Variants in PPM1L observed in about 807,000 individuals in gnomAD.
The protein encoded by PPM1L is protein phosphatase 1L.
In PPM1L, 13 loss-of-function variants were observed where a neutral mutation model predicts 31.4. The ratio of observed to expected loss-of-function variants is 0.41; its 90% confidence interval spans 0.27 to 0.66. PPM1L has a LOEUF of 0.66. Among genes scored for constraint, PPM1L ranks in the 30% least tolerant of loss-of-function variants. The pLI, the probability that PPM1L is intolerant of heterozygous loss-of-function variation, is 0.29. For missense variants in PPM1L, 326 were observed against 453.7 expected (o/e 0.72, Z 2.56); for synonymous variants, 184 against 175.4 (o/e 1.05, Z -0.39).
chr3:160,887,709 T>C lies in PPM1L; in HGVS notation c.400-74027T>C, dbSNP rs1368470735. On this transcript the variant is annotated intron_variant, in intron 1 of 3. Transcript: ENST00000498165. ...CATTCTCCTGCCTCAGCCTCCCTAG[T>C]AGCTGGGACTATAGGCACCCACCAC... Among the ~76,000 whole-genome samples, 3 of 152,086 alleles carry C rather than the reference T, an allele frequency of 2.0e-5. No homozygotes were observed. The East Asian group carries it at 5.8e-4, about 29-fold the overall frequency.
chr3:160,935,494 C>T (rs1714940327), intron 1 of PPM1L, among the ~76,000 whole-genome samples: 1 of 152,174 alleles, frequency 6.6e-6, no homozygotes, highest in South Asian at 2.1e-4. Context: ...ATAGAGTTTG[C>T]TGGGCCAGAA....
chr3:160,929,241 C>T (rs1175703815), intron 1 of PPM1L, among the ~76,000 whole-genome samples: 1 of 152,020 alleles, frequency 6.6e-6, no homozygotes, highest in East Asian at 1.9e-4. Flanking sequence ...CTTGGGTGGT[C>T]CTATGATTTT....
At chr3:160,902,200 A>G (rs116784399) in intron 1 of PPM1L, among the ~76,000 whole-genome samples, 123 of 152,246 alleles carry the variant, frequency 8.1e-4, no homozygotes, top group African/African-American at 2.7e-3. Context: ...TCTGATTACA[A>G]TGCCCACTTC....
intron 2 of PPM1L, among the ~76,000 whole-genome samples, chr3:161,055,800 C>T (rs941559939): frequency 6.6e-6 from 1 of 151,700 alleles, no homozygotes; most frequent in East Asian, 1.9e-4. Flanking sequence ...TCCTAAAGAA[C>T]AAAAATGGCA....
chr3:161,039,532 T>C (rs1159470650), intron 2 of PPM1L, among the ~76,000 whole-genome samples: 1 of 152,120 alleles, frequency 6.6e-6, no homozygotes, highest in African/African-American at 2.4e-5. Flanking sequence ...TTTTTATGTT[T>C]TATTTTTTGA....
chr3:160,923,423 G>T (rs185687132), intron 1 of PPM1L, among the ~76,000 whole-genome samples: 11 of 152,262 alleles, frequency 7.2e-5, no homozygotes, highest in African/African-American at 2.6e-4. Flanking sequence ...TCTTAAGAAA[G>T]GGCTTTAGAA....
intron 2 of PPM1L, among the ~76,000 whole-genome samples, chr3:161,051,142 C>T (rs539119113): frequency 1.5e-3 from 223 of 152,286 alleles, no homozygotes; most frequent in Middle Eastern, 6.8e-3. Flanking sequence ...GAGACAAGTT[C>T]CCTTCTCTGC....
At chr3:160,875,903 A>G (rs1402006025) in intron 1 of PPM1L, among the ~76,000 whole-genome samples, 1 of 152,176 alleles carries the variant, frequency 6.6e-6, no homozygotes, top group Non-Finnish European at 1.5e-5. Context: ...ATTATCCTTA[A>G]GACTCTTGAC....
rs923140652 is a variant in PPM1L at position 161,071,099 on chromosome 3, G to A, written c.*1942G>A. 13 of 152,170 alleles carry A rather than the reference G, an allele frequency of 8.5e-5. No individual in the cohort carries two copies. Among genetic ancestry groups the A allele is most frequent in the African/African-American group, 3.1e-4 (13 of 41,432 alleles). 9.4% of individuals were successfully genotyped at this position (152,170 alleles called of 1,614,324 possible). ...GATGTGTGTATTAATATTTGGGGTG[G>A]GGACAGGGAAGGGAATGTGGAAAAC... On this transcript the variant is annotated 3_prime_UTR_variant, in exon 4 of 4. Coordinates refer to ENST00000498165, the MANE Select transcript of PPM1L (RefSeq NM_139245.4).
In PPM1L at chr3:160,838,245, A is replaced by G. The variant is rs1286633345; in HGVS notation, c.399+81538A>G. On this transcript the variant is annotated intron_variant, in intron 1 of 3. Transcript: ENST00000498165. ...TTATATCTGGAGAACATGGATAATG[A>G]AATGAATAGATCTCTGAGAACTTGA... is the stretch of plus-strand genomic sequence containing the variant. Among the ~76,000 whole-genome samples the G allele has an allele frequency of 6.6e-5, 10 of 152,338 alleles. No homozygotes were observed. The East Asian group carries it at 1.7e-3, about 26-fold the overall frequency.
At chr3:160,783,342 G>A (rs2108067929) in intron 1 of PPM1L, among the ~76,000 whole-genome samples, 1 of 152,342 alleles carries the variant, frequency 6.6e-6, no homozygotes, top group East Asian at 1.9e-4. Context: ...GCTCACGCCT[G>A]TAATCCCAGC....
chr3:160,888,839 A>T (rs971708777), intron 1 of PPM1L, among the ~76,000 whole-genome samples: 1 of 152,220 alleles, frequency 6.6e-6, no homozygotes, highest in Non-Finnish European at 1.5e-5. Flanking sequence ...GTGCAGTTAC[A>T]TGGAAATTGA....
At chr3:161,015,085 A>AG (rs1298901908) in intron 2 of PPM1L, among the ~76,000 whole-genome samples, 2 of 150,556 alleles carry the variant, frequency 1.3e-5, no homozygotes, top group Admixed American at 1.3e-4. Flanking sequence ...GGAGTAGCAA[A>AG]GGGGGGTGAA....
At chr3:160,781,292 A>T (rs908413468) in intron 1 of PPM1L, among the ~76,000 whole-genome samples, 1 of 152,164 alleles carries the variant, frequency 6.6e-6, no homozygotes, top group East Asian at 1.9e-4. Context: ...TGGCCTTATT[A>T]TATGCTTTTA....
At chr3:160,970,913 C>A (rs1356434832) in intron 2 of PPM1L, among the ~76,000 whole-genome samples, 1 of 151,400 alleles carries the variant, frequency 6.6e-6, no homozygotes, top group Non-Finnish European at 1.5e-5. Context: ...GCCTCAGCCT[C>A]CCGAGTAGCT....
rs1007251129 is a variant in PPM1L, at chr3:161,074,246, C to G, written c.*5089C>G. The G allele has an allele frequency of 5.3e-5, 8 of 152,218 alleles. No homozygotes were observed. Among genetic ancestry groups the G allele is most frequent in the African/African-American group, 1.9e-4 (8 of 41,462 alleles). 9.4% of individuals were successfully genotyped at this position (152,218 alleles called of 1,614,324 possible). A position where few individuals can be genotyped will look rare whatever the true frequency, so the allele number is the denominator to read the frequency against. ...AAAACTCCTGTCCCATATCATCCCA[C>G]CTTTCATGTTTTATGTACATAGTTA... On this transcript the variant is annotated 3_prime_UTR_variant, in exon 4 of 4. Coordinates refer to ENST00000498165, the MANE Select transcript of PPM1L (RefSeq NM_139245.4).
At chr3:161,006,722 G>A (rs1221473212) in intron 2 of PPM1L, among the ~76,000 whole-genome samples, 9 of 126,694 alleles carry the variant, frequency 7.1e-5, no homozygotes, top group Admixed American at 3.0e-4. Flanking sequence ...TTGATCTGTC[G>A]CCCAGGCTGG....
intron 1 of PPM1L, among the ~76,000 whole-genome samples, chr3:160,920,706 T>C (rs1323637060): frequency 6.6e-6 from 1 of 151,308 alleles, no homozygotes; most frequent in Non-Finnish European, 1.5e-5. Context: ...GACAATCCCT[T>C]TTAGCAGTAG....
intron 2 of PPM1L, among the ~76,000 whole-genome samples, chr3:160,979,703 T>C (rs574574665): frequency 7.3e-4 from 111 of 152,196 alleles, no homozygotes; most frequent in African/African-American, 2.6e-3. Flanking sequence ...TACTATATTG[T>C]CTGAATTTTT....
Sources: gnomAD v4.1 joint callset for allele counts (sites outside exome capture counted in the v4.1 genomes callset) on GRCh38, gnomAD v4.1.1 for gene constraint, MANE v1.5 for transcripts, NCBI Gene and HGNC (gene_info 2026-07-23, HGNC 2026-07-21) for gene names.